Variants in PAN3 observed in about 807,000 individuals in gnomAD.
The protein encoded by PAN3 is PAN2-PAN3 deadenylation complex subunit PAN3.
PAN3 carries 19 observed loss-of-function variants against 96.2 expected under a neutral mutation model. The observed-to-expected ratio is 0.20, with a 90% CI of 0.14 to 0.29. The LOEUF (loss-of-function observed/expected upper bound fraction) is 0.29. Ranked by LOEUF, PAN3 falls within the 10% of genes least tolerant of loss-of-function variation. The probability of loss-of-function intolerance (pLI) is 1.00; values close to 1 mark genes in which losing one functional copy is unlikely to be tolerated. For missense variants in PAN3, 882 were observed against 1,108.1 expected, an observed-to-expected ratio of 0.80 and a Z score of 2.90; for synonymous variants, 433 against 406.6, an observed-to-expected ratio of 1.06 and a Z score of -0.78.
intron 15 of PAN3, 62 bp from the exon 16 acceptor site, chr13:28,280,350 G>A: frequency 1.3e-6 from 2 of 1,534,366 alleles, no homozygotes; most frequent in Admixed American, 4.0e-5. Flanking sequence ...CTATGTTTGG[G>A]TTATCTTGTT....
chr13:28,220,122 A>C, intron 5 of PAN3, 109 bp from the exon 6 acceptor site: 1 of 1,061,730 alleles, frequency 9.4e-7, no homozygotes, highest in Non-Finnish European at 1.3e-6. Context: ...TAATCCTTTC[A>C]ATAATATATT....
chr13:28,280,384 C>G, intron 15 of PAN3, 28 bp from the exon 16 acceptor site: 1 of 1,584,206 alleles, frequency 6.3e-7, no homozygotes. Context: ...GTTGGACATC[C>G]AAGTAATTCC....
chr13:28,273,732 T>C (rs978095661), intron 14 of PAN3, among the ~76,000 whole-genome samples: 1 of 152,252 alleles, frequency 6.6e-6, no homozygotes, highest in African/African-American at 2.4e-5. Flanking sequence ...AAGACAATTT[T>C]AGTTCTTTGT....
At chr13:28,238,950 A>G (rs1319502720) in intron 6 of PAN3, among the ~76,000 whole-genome samples, 3 of 152,064 alleles carry the variant, frequency 2.0e-5, no homozygotes, top group African/African-American at 7.2e-5. Context: ...GCAAGCCACT[A>G]TTTGAGGTCT....
intron 6 of PAN3, among the ~76,000 whole-genome samples, chr13:28,237,880 A>ATGGTGACAAGAGAGAGGCTTTACC (rs377287436): frequency 1.1e-4 from 16 of 152,246 alleles, no homozygotes; most frequent in African/African-American, 3.9e-4. Flanking sequence ...TGTATGCACA[A>ATGGTGACAAGAGAGAGGCTTTACC]TGGTGACAAG....
chr13:28,142,274 T>C (rs1869957801), intron 1 of PAN3, among the ~76,000 whole-genome samples: 1 of 152,242 alleles, frequency 6.6e-6, no homozygotes, highest in South Asian at 2.1e-4. Flanking sequence ...GTTCATTTTT[T>C]AGACTGCTTT....
chr13:28,156,172 A>T (rs1872133245), intron 1 of PAN3, among the ~76,000 whole-genome samples: 1 of 150,024 alleles, frequency 6.7e-6, no homozygotes, highest in Non-Finnish European at 1.5e-5. Context: ...TGCTAACTAG[A>T]CTAATACAGA....
At chr13:28,287,466 G>A (rs569459476) in intron 17 of PAN3, among the ~76,000 whole-genome samples, 4 of 152,252 alleles carry the variant, frequency 2.6e-5, no homozygotes, top group Admixed American at 6.5e-5. Context: ...TTTGAATAAC[G>A]TCTGTTTCCT....
intron 4 of PAN3, among the ~76,000 whole-genome samples, chr13:28,191,624 T>G (rs960819787): frequency 6.6e-6 from 1 of 152,184 alleles, no homozygotes; most frequent in Non-Finnish European, 1.5e-5. Context: ...TTTGTCGACC[T>G]ATTTCCACTT....
At chr13:28,184,650 A>C (rs191772261) in intron 4 of PAN3, among the ~76,000 whole-genome samples, 32 of 152,314 alleles carry the variant, frequency 2.1e-4, no homozygotes, top group African/African-American at 7.5e-4. Context: ...TTATATTCCA[A>C]CTAATAGGGG....
intron 15 of PAN3, among the ~76,000 whole-genome samples, chr13:28,279,265 C>T (rs143643593): frequency 6.6e-6 from 1 of 152,256 alleles, no homozygotes; most frequent in Non-Finnish European, 1.5e-5. Flanking sequence ...CGTGTTACTG[C>T]ATTTCTCAGA....
chr13:28,222,843 A>C (rs894685578), intron 6 of PAN3, among the ~76,000 whole-genome samples: 25 of 152,158 alleles, frequency 1.6e-4, no homozygotes, highest in African/African-American at 5.8e-4. Flanking sequence ...TATCCCCAAA[A>C]CTATTGCCCT....
chr13:28,243,906 T>C (rs1186593721), intron 6 of PAN3, among the ~76,000 whole-genome samples: 1 of 152,206 alleles, frequency 6.6e-6, no homozygotes, highest in Non-Finnish European at 1.5e-5. Context: ...CAGGCTGGTC[T>C]CGAACTCCTG....
chr13:28,237,659 A>T (rs1373837508), intron 6 of PAN3, among the ~76,000 whole-genome samples: 1 of 152,220 alleles, frequency 6.6e-6, no homozygotes, highest in East Asian at 1.9e-4. Flanking sequence ...ATTTTATTGA[A>T]TATAATAGCT....
intron 1 of PAN3, among the ~76,000 whole-genome samples, chr13:28,147,542 T>C (rs1427717511): frequency 6.6e-6 from 1 of 152,226 alleles, no homozygotes; most frequent in Non-Finnish European, 1.5e-5. Flanking sequence ...TTAGCTACAG[T>C]TGGGCAAAAT....
chr13:28,245,361 T>G (rs184981680), intron 6 of PAN3, among the ~76,000 whole-genome samples: 1 of 152,120 alleles, frequency 6.6e-6, no homozygotes, highest in Admixed American at 6.5e-5. Flanking sequence ...TTTATCTTTT[T>G]TGTTGCTGCT....
At chr13:28,211,846 G>A (rs1880074362) in intron 5 of PAN3, among the ~76,000 whole-genome samples, 2 of 152,190 alleles carry the variant, frequency 1.3e-5, no homozygotes, top group Admixed American at 6.5e-5. Flanking sequence ...CAAATGAGGT[G>A]AACCTTGTGA....
At position 28,292,670 on chromosome 13, in the gene PAN3, T is replaced by A. The variant is rs75480282; in HGVS notation, c.*148T>A. 6.4e-6 allele frequency: 4 copies of A among 620,568 alleles called. No homozygotes were observed. In the East Asian group the frequency reaches 1.3e-4, roughly 20 times the overall value. 38.4% of individuals were successfully genotyped at this position (620,568 alleles called of 1,614,324 possible). Reference sequence around the variant, plus strand: ...CTTGCACTTCAGTCAGGTACACTGTTACTTGAAAGGAAGAATGTTTCACTT... The same window carrying A: ...CTTGCACTTCAGTCAGGTACACTGTAACTTGAAAGGAAGAATGTTTCACTT... On this transcript the variant is annotated 3_prime_UTR_variant, in exon 19 of 19. Coordinates refer to ENST00000380958, the MANE Select transcript of PAN3 (RefSeq NM_175854.8).
intron 1 of PAN3, among the ~76,000 whole-genome samples, chr13:28,145,252 C>CGTGTGT (rs112715236): frequency 0.014 from 2,095 of 151,784 alleles, 36 homozygotes; most frequent in African/African-American, 0.037. Flanking sequence ...TTTGCACTTG[C>CGTGTGT]GTGTGTGTGT....
Sources: allele counts gnomAD v4.1 joint callset (sites outside exome capture counted in the v4.1 genomes callset), GRCh38; gene constraint gnomAD v4.1.1; transcripts MANE v1.5; gene names NCBI Gene and HGNC (gene_info 2026-07-23, HGNC 2026-07-21).